Variants in ESCO2 observed in about 807,000 individuals in gnomAD.
ESCO2 encodes N-acetyltransferase ESCO2.
Under a neutral mutation model 61.7 loss-of-function variants are expected in ESCO2, and 51 were observed. The observed-to-expected ratio is 0.83, with a 90% confidence interval of 0.66 to 1.04. The LOEUF is 1.04. Ranked by LOEUF, ESCO2 falls within the 50% of genes least tolerant of loss-of-function variation. The probability of loss-of-function intolerance (pLI) is 0.00; values close to 1 mark genes in which losing one functional copy is unlikely to be tolerated. For synonymous variants in ESCO2, 230 were observed against 238.2 expected (o/e 0.97, Z 0.32); for missense variants, 692 against 686.2 (o/e 1.01, Z -0.09).
chr8:27,786,901 G>T (rs1805059071), intron 5 of ESCO2, among the ~76,000 whole-genome samples: 1 of 146,124 alleles, frequency 6.8e-6, no homozygotes. Context: ...TACTCTTTAG[G>T]GATTTCTACT....
chr8:27,813,945 AG>A (rs1267549395), downstream of ESCO2, among the ~76,000 whole-genome samples: 9 of 151,690 alleles, frequency 5.9e-5, no homozygotes, highest in Non-Finnish European at 1.2e-4. Context: ...TGTACATAGC[AG>A]GTGTACATGT....
chr8:27,795,933 T>G (rs1432613200), intron 9 of ESCO2, among the ~76,000 whole-genome samples: 1 of 152,196 alleles, frequency 6.6e-6, no homozygotes, highest in East Asian at 1.9e-4. Context: ...TGTCCTTTTC[T>G]GGCTTTGGTA....
downstream of ESCO2, chr8:27,810,973 CATT>C (rs764210457): frequency 6.3e-7 from 1 of 1,595,372 alleles, no homozygotes; most frequent in African/African-American, 1.3e-5. Context: ...TCATCATCAT[CATT>C]TGAAAGATTA....
chr8:27,788,534 C>A (rs1805100723), intron 6 of ESCO2, among the ~76,000 whole-genome samples: 1 of 150,550 alleles, frequency 6.6e-6, no homozygotes, highest in Non-Finnish European at 1.5e-5. Flanking sequence ...TTTTTTTTCC[C>A]CCCCCAAAGA....
At chr8:27,799,976 A>G (rs1805389021) in intron 10 of ESCO2, among the ~76,000 whole-genome samples, 1 of 151,866 alleles carries the variant, frequency 6.6e-6, no homozygotes, top group South Asian at 2.1e-4. Flanking sequence ...TTTGTCACAG[A>G]CCAACACTAA....
chr8:27,803,546 T>TCACACA lies in ESCO2; in HGVS notation c.*110_*111insCACACA, dbSNP rs1343306604. The TCACACA allele has an allele frequency of 8.0e-6, 9 of 1,124,638 alleles. No individual in the cohort carries two copies. Among genetic ancestry groups the TCACACA allele is most frequent in the East Asian group, 2.8e-5 (1 of 35,186 alleles). The allele number at this position is 1,124,638 out of a possible 1,614,324, so 69.7% of individuals were successfully genotyped here. Reference sequence around the variant, plus strand: ...AAATAAAAAATACCGAGACTCACACTCATACACACACACACACACACGCAC... The same window carrying TCACACA: ...AAATAAAAAATACCGAGACTCACACTCACACACATACACACACACACACACACGCAC... On this transcript the variant is annotated 3_prime_UTR_variant, in exon 11 of 11. Transcript: ENST00000305188.
At chr8:27,787,749 G>A (rs767771769) in intron 5 of ESCO2, 136 bp from the exon 6 acceptor site, 188 of 683,936 alleles carry the variant, frequency 2.7e-4, no homozygotes, top group South Asian at 1.2e-3. Context: ...CTTTGTTCCT[G>A]TCCTTATTAC....
intron 9 of ESCO2, among the ~76,000 whole-genome samples, chr8:27,798,128 T>C (rs1306098451): frequency 6.6e-6 from 1 of 152,164 alleles, no homozygotes; most frequent in Non-Finnish European, 1.5e-5. Flanking sequence ...ATGTAAAATA[T>C]TACAGCCACT....
In ESCO2 at chr8:27,780,326, TA is replaced by T. The variant is rs1804898694; in HGVS notation, c.955+60del. ...AAATAATGCTTTATTACATACATTATACAATAATAATTCTTGTAATTTCTGG... is the reference window on the plus strand; with the variant it reads ...AAATAATGCTTTATTACATACATTATCAATAATAATTCTTGTAATTTCTGG... On this transcript the variant is annotated intron_variant, in intron 4 of 10. Transcript: ENST00000305188. 3 of 1,078,862 alleles carry T rather than the reference TA, an allele frequency of 2.8e-6. No homozygotes were observed. In the African/African-American group the frequency reaches 4.7e-5, roughly 17 times the overall value. The allele number at this position is 1,078,862 out of a possible 1,614,324, so 66.8% of individuals were successfully genotyped here.
Position 27,805,004 on chromosome 8 carries a change from C to T in ESCO2, c.*1566C>T, listed in dbSNP as rs748436344. The T allele has an allele frequency of 9.4e-5, 17 of 180,016 alleles. 3 individuals carry two copies. The highest frequency in any genetic ancestry group is 9.3e-4 in the East Asian group (2 of 2,152). 11.2% of individuals were successfully genotyped at this position (180,016 alleles called of 1,614,324 possible). On this transcript the variant is annotated 3_prime_UTR_variant, in exon 11 of 11. Transcript: ENST00000305188. ...TTGCCAAAAGAAGAGGCTTCCCGGC[C>T]GGGCGCGGTGGCTCACGCCTGTAAT...
chr8:27,783,928 C>T lies in ESCO2; in HGVS notation c.956-72C>T. On this transcript the variant is annotated intron_variant, in intron 4 of 10. Coordinates refer to ENST00000305188, the MANE Select transcript of ESCO2 (RefSeq NM_001017420.3). ...TTGAGTATTATTTTGTCTTATTAACCTTTGAAATCTTATGAATTAAAGCTT... is the reference window on the plus strand; with the variant it reads ...TTGAGTATTATTTTGTCTTATTAACTTTTGAAATCTTATGAATTAAAGCTT... The T allele has an allele frequency of 6.7e-6, 9 of 1,349,602 alleles. 1 individual carries two copies. Among genetic ancestry groups the T allele is most frequent in the Non-Finnish European group, 9.6e-6 (9 of 940,010 alleles). 83.6% of individuals were successfully genotyped at this position (1,349,602 alleles called of 1,614,324 possible). A position where few individuals can be genotyped will look rare whatever the true frequency, so the allele number is the denominator to read the frequency against.
At chr8:27,806,700 A>C (rs1222483894), downstream of ESCO2, among the ~76,000 whole-genome samples, 1 of 149,846 alleles carries the variant, frequency 6.7e-6, no homozygotes. Flanking sequence ...GCTCACTGCA[A>C]CCTCCACCTC....
downstream of ESCO2, among the ~76,000 whole-genome samples, chr8:27,808,805 A>C (rs375979408): frequency 3.9e-5 from 6 of 152,124 alleles, no homozygotes; most frequent in East Asian, 9.7e-4. Flanking sequence ...AATAAAAAAA[A>C]TTTTCTTCCA....
rs1805513882 is a variant in ESCO2, at chr8:27,804,140, G to A, written c.*702G>A. 2.0e-6 allele frequency: 2 copies of A among 985,142 alleles called. No homozygotes were observed. Among genetic ancestry groups the A allele is most frequent in the South Asian group, 4.7e-5 (1 of 21,282 alleles). 61.0% of individuals were successfully genotyped at this position (985,142 alleles called of 1,614,324 possible). The stretch of plus-strand genomic sequence containing the variant: ...AATTTATTTGTAACAAGATGGTAAG[G>A]AATAAGATTATCCCATATGCATTTC... On this transcript the variant is annotated 3_prime_UTR_variant, in exon 11 of 11. Transcript: ENST00000305188.
chr8:27,773,836 C>T (rs1289189628), upstream of ESCO2: 1 of 152,168 alleles, frequency 6.6e-6, no homozygotes, highest in African/African-American at 2.4e-5. Flanking sequence ...AAGATAGTAA[C>T]AATAGCTAAC....
chr8:27,795,132 T>C (rs141033542), intron 9 of ESCO2, among the ~76,000 whole-genome samples: 1,997 of 152,304 alleles, frequency 0.013, 44 homozygotes, highest in African/African-American at 0.045. Flanking sequence ...TTTAACGATA[T>C]TAATTCTTTC....
chr8:27,817,492 G>T (rs182420075), downstream of ESCO2, among the ~76,000 whole-genome samples: 1 of 151,658 alleles, frequency 6.6e-6, no homozygotes, highest in African/African-American at 2.4e-5. Flanking sequence ...TCTTTTATTA[G>T]GATTATTAAC....
At chr8:27,797,169 T>C (rs1276932906) in intron 9 of ESCO2, among the ~76,000 whole-genome samples, 1 of 152,202 alleles carries the variant, frequency 6.6e-6, no homozygotes, top group Non-Finnish European at 1.5e-5. Flanking sequence ...GATGTATCCA[T>C]TGTTGAAAGT....
At chr8:27,781,963 A>G (rs1804937082) in intron 4 of ESCO2, among the ~76,000 whole-genome samples, 1 of 152,188 alleles carries the variant, frequency 6.6e-6, no homozygotes, top group Non-Finnish European at 1.5e-5. Flanking sequence ...TTTCTGTCCC[A>G]GTATCCATTC....
Sources: gnomAD v4.1 joint callset for allele counts (sites outside exome capture counted in the v4.1 genomes callset) on GRCh38, gnomAD v4.1.1 for gene constraint, MANE v1.5 for transcripts, NCBI Gene and HGNC (gene_info 2026-07-23, HGNC 2026-07-21) for gene names.